The following FHIT variants were observed in gnomAD, a reference collection of about 807,000 sequenced individuals.
FHIT encodes the protein bis(5'-adenosyl)-triphosphatase.
A neutral mutation model predicts 17.9 loss-of-function variants in FHIT; 19 were observed. The ratio of observed to expected loss-of-function variants is 1.06; its 90% confidence interval spans 0.74 to 1.56. The LOEUF (loss-of-function observed/expected upper bound fraction) is 1.56, where lower values mean the gene tolerates loss of function less well. Among genes scored for constraint, FHIT ranks in the 40% most tolerant of loss-of-function variants. The probability of loss-of-function intolerance (pLI) is 0.00; values close to 1 mark genes in which losing one functional copy is unlikely to be tolerated. For missense variants in FHIT, 248 were observed against 189.2 expected (o/e 1.31, Z -1.82); for synonymous variants, 81 against 69.7 (o/e 1.16, Z -0.81).
intron 7 of FHIT, among the ~76,000 whole-genome samples, chr3:59,970,787 T>C (rs1391858603): frequency 6.6e-6 from 1 of 151,996 alleles, no homozygotes; most frequent in Non-Finnish European, 1.5e-5. Context: ...TAACACAGCT[T>C]GGGGCGAATT....
intron 3 of FHIT, among the ~76,000 whole-genome samples, chr3:61,008,845 CA>C (rs1174158867): frequency 7.9e-5 from 12 of 152,184 alleles, no homozygotes; most frequent in Non-Finnish European, 1.5e-4. Context: ...AAGGCACCAA[CA>C]TGCTATGGGC....
intron 4 of FHIT, among the ~76,000 whole-genome samples, chr3:60,677,434 C>G (rs2040646523): frequency 6.6e-6 from 1 of 152,142 alleles, no homozygotes; most frequent in African/African-American, 2.4e-5. Flanking sequence ...AGTTTTTTCA[C>G]TTAAGATAAT....
At chr3:59,870,858 T>C (rs1461873158) in intron 8 of FHIT, among the ~76,000 whole-genome samples, 2 of 102,478 alleles carry the variant, frequency 2.0e-5, no homozygotes, top group Non-Finnish European at 4.9e-5. Flanking sequence ...GTAAAGGGCG[T>C]GTGTGTGTGT....
At chr3:60,841,322 C>T (rs1309293321) in intron 3 of FHIT, among the ~76,000 whole-genome samples, 2 of 152,208 alleles carry the variant, frequency 1.3e-5, no homozygotes, top group East Asian at 1.9e-4. Context: ...AGAACCCATC[C>T]TTGTTGTCTT....
intron 3 of FHIT, among the ~76,000 whole-genome samples, chr3:61,005,514 A>T (rs972164627): frequency 3.9e-5 from 6 of 151,986 alleles, no homozygotes; most frequent in Non-Finnish European, 1.5e-5. Flanking sequence ...GATAAGAACC[A>T]CCCTACTTTA....
intron 4 of FHIT, among the ~76,000 whole-genome samples, chr3:60,642,377 C>T (rs1455221601): frequency 6.6e-6 from 1 of 152,186 alleles, no homozygotes; most frequent in East Asian, 1.9e-4. Context: ...CTAATTCAGT[C>T]AGACCCAGGG....
chr3:60,766,361 T>C (rs576856753), intron 4 of FHIT, among the ~76,000 whole-genome samples: 1 of 152,294 alleles, frequency 6.6e-6, no homozygotes, highest in African/African-American at 2.4e-5. Context: ...TAACACCCAA[T>C]CTGGGCAGCC....
At position 60,779,654 on chromosome 3, in the gene FHIT, G is replaced by T. The variant is rs782684882; in HGVS notation, c.-18+42265C>A. Among the ~76,000 whole-genome samples, 4 of 152,210 alleles carry T rather than the reference G, an allele frequency of 2.6e-5. No homozygotes were observed. In the Middle Eastern group the frequency reaches 0.01, roughly 388 times the overall value. The stretch of plus-strand genomic sequence containing the variant: ...AGCTTCACTTTAGCATTTGTCTTAT[G>T]ATAAGGAGGCCATGCAATGCCCCAT... On this transcript the variant is annotated intron_variant, in intron 4 of 9. Transcript: ENST00000492590.
At chr3:59,796,292 C>T (rs971567985) in intron 8 of FHIT, among the ~76,000 whole-genome samples, 4 of 152,100 alleles carry the variant, frequency 2.6e-5, no homozygotes, top group Non-Finnish European at 5.9e-5. Flanking sequence ...CCACCCAGAC[C>T]CATTTGCGGG....
chr3:61,186,531 A>G (rs761919383), intron 2 of FHIT, among the ~76,000 whole-genome samples: 1 of 152,240 alleles, frequency 6.6e-6, no homozygotes, highest in Non-Finnish European at 1.5e-5. Context: ...GCCAGTCTGC[A>G]GACAGAAGAG....
chr3:60,033,325 G>A (rs139383699), intron 5 of FHIT, among the ~76,000 whole-genome samples: 142 of 152,072 alleles, frequency 9.3e-4, no homozygotes, highest in East Asian at 4.6e-3. Context: ...GAGAAACCCC[G>A]TCTCTACTAA....
At chr3:59,938,515 A>G (rs1187097602) in intron 7 of FHIT, among the ~76,000 whole-genome samples, 1 of 152,132 alleles carries the variant, frequency 6.6e-6, no homozygotes, top group Admixed American at 6.6e-5. Flanking sequence ...ACTGTACTGT[A>G]TTTGGGATTC....
chr3:59,752,987 A>G (rs1701003588), intron 8 of FHIT, among the ~76,000 whole-genome samples: 1 of 152,088 alleles, frequency 6.6e-6, no homozygotes, highest in Admixed American at 6.5e-5. Context: ...CATTCCCAGA[A>G]TCTCCCCCAC....
chr3:59,809,755 C>T (rs1575531789), intron 8 of FHIT, among the ~76,000 whole-genome samples: 1 of 152,150 alleles, frequency 6.6e-6, no homozygotes, highest in South Asian at 2.1e-4. Context: ...TGGCCTCAGA[C>T]ACTTCCGTCT....
intron 2 of FHIT, among the ~76,000 whole-genome samples, chr3:61,065,935 G>A (rs79635107): frequency 0.013 from 1,904 of 152,162 alleles, 49 homozygotes; most frequent in African/African-American, 0.043. Flanking sequence ...GCTTTGTGCC[G>A]CTATAACAGG....
intron 7 of FHIT, among the ~76,000 whole-genome samples, chr3:59,922,934 T>C (rs982529776): frequency 3.3e-5 from 5 of 152,150 alleles, no homozygotes; most frequent in Non-Finnish European, 7.3e-5. Flanking sequence ...GAAAGCTCTG[T>C]GTTTGGCATT....
chr3:60,515,171 G>A (rs1349099965), intron 5 of FHIT, among the ~76,000 whole-genome samples: 3 of 152,114 alleles, frequency 2.0e-5, no homozygotes, highest in African/African-American at 7.2e-5. Flanking sequence ...ATTATAAGAG[G>A]GTAATATTCC....
chr3:60,238,447 C>CAAAAA (rs374701930), intron 5 of FHIT, among the ~76,000 whole-genome samples: 17 of 117,536 alleles, frequency 1.4e-4, no homozygotes, highest in East Asian at 2.4e-4. Context: ...CTGTACTAAG[C>CAAAAA]AAAAAAAAAA....
Position 60,027,160 on chromosome 3 carries a change from A to G in FHIT, c.104-13008T>C, listed in dbSNP as rs370422516. 3.1e-4 allele frequency among the ~76,000 whole-genome samples: 46 copies of G among 149,844 alleles called. No homozygotes were observed. The South Asian group carries it at 6.8e-3, about 22-fold the overall frequency. ...ACACACACACACACAAAATTAGTAA[A>G]CCCAATAATCCACAAAGATCTATAA... On this transcript the variant is annotated intron_variant, in intron 5 of 9. Coordinates refer to ENST00000492590, the MANE Select transcript of FHIT (RefSeq NM_002012.4).
Sources: allele counts gnomAD v4.1 joint callset (sites outside exome capture counted in the v4.1 genomes callset), GRCh38; gene constraint gnomAD v4.1.1; transcripts MANE v1.5; gene names NCBI Gene and HGNC (gene_info 2026-07-23, HGNC 2026-07-21).